EEIG2: variants seen among roughly 807,000 people sequenced by gnomAD.
EEIG2 encodes the protein family with sequence similarity 102 member B.
chr1:108,564,749 C>G, the EEIG2 span, among the ~76,000 whole-genome samples: 1 of 152,044 alleles, frequency 6.6e-6, no homozygotes, highest in Non-Finnish European at 1.5e-5. Flanking sequence ...TTGAGACCAG[C>G]CTGGGCAACA....
the EEIG2 span, among the ~76,000 whole-genome samples, chr1:108,621,164 A>G: frequency 1.1e-4 from 16 of 152,358 alleles, no homozygotes; most frequent in East Asian, 2.9e-3. Flanking sequence ...CTATAAAGCA[A>G]TCAAATTAAA....
chr1:108,594,608 AT>A, the EEIG2 span, among the ~76,000 whole-genome samples: 58 of 152,260 alleles, frequency 3.8e-4, no homozygotes, highest in Non-Finnish European at 2.4e-4. Flanking sequence ...AATATGTGTA[AT>A]TTTTAATATG....
chr1:108,631,377 A>C, the EEIG2 span, among the ~76,000 whole-genome samples: 1 of 152,256 alleles, frequency 6.6e-6, no homozygotes, highest in African/African-American at 2.4e-5. Context: ...TGAGTGGTGC[A>C]GCAGAGACTC....
chr1:108,632,135 A>AAAAAGG, the EEIG2 span, among the ~76,000 whole-genome samples: 5 of 67,646 alleles, frequency 7.4e-5, no homozygotes, highest in East Asian at 5.7e-4. Flanking sequence ...AAAAAAAAAA[A>AAAAAGG]AGAAGAAGAA....
the EEIG2 span, chr1:108,628,010 T>C: frequency 1.6e-6 from 1 of 611,728 alleles, no homozygotes; most frequent in African/African-American, 1.8e-5. Flanking sequence ...GCAATACAGT[T>C]ACTTCCATTG....
the EEIG2 span, among the ~76,000 whole-genome samples, chr1:108,591,722 C>A: frequency 6.6e-6 from 1 of 151,940 alleles, no homozygotes; most frequent in African/African-American, 2.4e-5. Flanking sequence ...GAGAAGGGAA[C>A]CAAGGCAGGC....
At chr1:108,628,845 GT>G in the EEIG2 span, 1 of 1,583,630 alleles carries the variant, frequency 6.3e-7, no homozygotes. Context: ...TGCAATCCAG[GT>G]TTTTGTAATC....
the EEIG2 span, among the ~76,000 whole-genome samples, chr1:108,616,892 G>A: frequency 3.2e-4 from 48 of 152,242 alleles, no homozygotes; most frequent in Admixed American, 1.7e-3. Context: ...GTTCATAAGC[G>A]CTTTGGAGAA....
At chr1:108,560,443 GAAGTTT>G in the EEIG2 span, 6 of 1,610,756 alleles carry the variant, frequency 3.7e-6, no homozygotes, top group African/African-American at 2.7e-5. Flanking sequence ...TGAAGAAGAA[GAAGTTT>G]AAGTTTAAGG....
chr1:108,593,586 A>G, the EEIG2 span, among the ~76,000 whole-genome samples: 1 of 152,178 alleles, frequency 6.6e-6, no homozygotes, highest in African/African-American at 2.4e-5. Flanking sequence ...TGGATAAGTA[A>G]CTGACAGTTT....
chr1:108,578,218 C>T, the EEIG2 span, among the ~76,000 whole-genome samples: 1 of 112,446 alleles, frequency 8.9e-6, no homozygotes, highest in Non-Finnish European at 1.8e-5. Context: ...ATGGGGTTTT[C>T]TAGATAAACA....
the EEIG2 span, among the ~76,000 whole-genome samples, chr1:108,591,262 G>A: frequency 2.6e-5 from 4 of 152,086 alleles, no homozygotes; most frequent in African/African-American, 9.7e-5. Flanking sequence ...TTGGTTGTTT[G>A]TTTCATTTGG....
At chr1:108,596,337 T>G in the EEIG2 span, among the ~76,000 whole-genome samples, 3 of 152,150 alleles carry the variant, frequency 2.0e-5, no homozygotes, top group Non-Finnish European at 4.4e-5. Context: ...CAAGGCATAT[T>G]ATGGAAAAGC....
the EEIG2 span, chr1:108,560,593 C>G: frequency 6.2e-7 from 1 of 1,602,604 alleles, no homozygotes; most frequent in Admixed American, 1.7e-5. Flanking sequence ...CCGCCTCGCC[C>G]CTTTCTGCTT....
At chr1:108,627,930 A>G in the EEIG2 span, 4 of 502,926 alleles carry the variant, frequency 8.0e-6, no homozygotes, top group East Asian at 1.2e-4. Flanking sequence ...AAGGACTGAA[A>G]TAATTTTTTA....
the EEIG2 span, chr1:108,628,372 T>C: frequency 1.2e-6 from 2 of 1,612,692 alleles, no homozygotes; most frequent in African/African-American, 2.7e-5. Context: ...GAGTATTATA[T>C]CCAAGGTGAT....
the EEIG2 span, among the ~76,000 whole-genome samples, chr1:108,562,063 T>G: frequency 6.6e-5 from 10 of 152,364 alleles, no homozygotes; most frequent in East Asian, 1.9e-3. Context: ...TGTTGGCTTC[T>G]AAATATATTA....
the EEIG2 span, among the ~76,000 whole-genome samples, chr1:108,620,342 TA>T: frequency 8.9e-5 from 1 of 11,174 alleles, no homozygotes; most frequent in Non-Finnish European, 2.4e-3. Context: ...GCACCAATTA[TA>T]TACCATAAGG....
At chr1:108,600,678 G>A in the EEIG2 span, 12 of 1,605,814 alleles carry the variant, frequency 7.5e-6, no homozygotes, top group East Asian at 4.5e-5. Context: ...CAGAGTATCC[G>A]TGAGGAAGGT....
Sources: allele counts gnomAD v4.1 joint callset (sites outside exome capture counted in the v4.1 genomes callset), GRCh38; gene constraint gnomAD v4.1.1; transcripts MANE v1.5; gene names NCBI Gene and HGNC (gene_info 2026-07-23, HGNC 2026-07-21).